The following DAB1 variants were observed in gnomAD, a reference collection of about 807,000 sequenced individuals.
DAB1 encodes DAB adaptor protein 1.
Under a neutral mutation model 64.6 loss-of-function variants are expected in DAB1, and 15 were observed. That is an observed-to-expected ratio of 0.23 (90% confidence interval 0.16 to 0.36). DAB1 has a LOEUF of 0.36. DAB1 is among the 10% of genes least tolerant of loss of function. DAB1 has a pLI of 1.00. For synonymous variants in DAB1, 235 were observed against 251.9 expected, an observed-to-expected ratio of 0.93 and a Z score of 0.64; for missense variants, 596 against 706.7, an observed-to-expected ratio of 0.84 and a Z score of 1.78.
chr1:57,778,145 C>T (rs773976429), intron 6 of DAB1, among the ~76,000 whole-genome samples: 3 of 151,868 alleles, frequency 2.0e-5, no homozygotes, highest in Non-Finnish European at 2.9e-5. Flanking sequence ...GGGCTTCTGC[C>T]GTATGCATTC....
At chr1:58,485,240 A>T (rs962877387) in intron 3 of DAB1, among the ~76,000 whole-genome samples, 1 of 149,594 alleles carries the variant, frequency 6.7e-6, no homozygotes, top group Non-Finnish European at 1.5e-5. Context: ...AAAAAAAAAA[A>T]AAAAAAAAAA....
At position 57,327,978 on chromosome 1, in the gene DAB1, A is replaced by C. The variant is rs560213743; in HGVS notation, c.-136-36812T>G. Among the ~76,000 whole-genome samples, 7 of 152,348 alleles carry C rather than the reference A, an allele frequency of 4.6e-5. No individual in the cohort carries two copies. The South Asian group carries it at 1.4e-3, about 32-fold the overall frequency. On this transcript the variant is annotated intron_variant, in intron 1 of 14. Transcript: ENST00000371236. ...TTAAATTAGGATCTCTAAGAACCCCAGAAAGTCATTTTCTGGGGGAGGAAT... is the reference window on the plus strand; with the variant it reads ...TTAAATTAGGATCTCTAAGAACCCCCGAAAGTCATTTTCTGGGGGAGGAAT...
intron 2 of DAB1, among the ~76,000 whole-genome samples, chr1:57,232,606 G>A (rs747806923): frequency 5.3e-5 from 8 of 152,054 alleles, no homozygotes; most frequent in Middle Eastern, 3.4e-3. Flanking sequence ...GGAGAAAACC[G>A]AGACCCAGAA....
intron 1 of DAB1, among the ~76,000 whole-genome samples, chr1:57,838,002 G>A (rs1393916517): frequency 6.6e-6 from 1 of 151,872 alleles, no homozygotes; most frequent in African/African-American, 2.4e-5. Flanking sequence ...GTTACCACCA[G>A]TGGATATTTA....
At chr1:58,167,774 G>C (rs1352279387) in intron 4 of DAB1, among the ~76,000 whole-genome samples, 1 of 152,172 alleles carries the variant, frequency 6.6e-6, no homozygotes, top group Non-Finnish European at 1.5e-5. Flanking sequence ...CCACCTTTAA[G>C]AGTTGTAACA....
At chr1:57,919,948 G>A (rs935903386) in intron 5 of DAB1, among the ~76,000 whole-genome samples, 2 of 152,162 alleles carry the variant, frequency 1.3e-5, no homozygotes, top group Non-Finnish European at 2.9e-5. Flanking sequence ...GGGAGGTCAG[G>A]TGGACCCAGC....
intron 3 of DAB1, among the ~76,000 whole-genome samples, chr1:58,450,748 C>T (rs981464645): frequency 2.0e-5 from 3 of 151,820 alleles, no homozygotes; most frequent in African/African-American, 7.3e-5. Flanking sequence ...AGCGAGACTC[C>T]GTCTCAAAAA....
Position 57,114,730 on chromosome 1 carries a change from A to G in DAB1, c.306+21813T>C, listed in dbSNP as rs143735745. On this transcript the variant is annotated intron_variant, in intron 4 of 14. Coordinates refer to ENST00000371236, the MANE Select transcript of DAB1 (RefSeq NM_001365792.1). The stretch of plus-strand genomic sequence containing the variant: ...CCTTCCCAAAGCAAGCAGTGGATTC[A>G]CTGAGGTCCTCCATATTAAAAAGAA... 1.7e-4 allele frequency among the ~76,000 whole-genome samples: 26 copies of G among 152,310 alleles called. 1 individual carries two copies. The East Asian group carries it at 5.0e-3, about 29-fold the overall frequency.
intron 7 of DAB1, among the ~76,000 whole-genome samples, chr1:57,522,386 C>G (rs1290956402): frequency 6.6e-6 from 1 of 152,138 alleles, no homozygotes; most frequent in East Asian, 1.9e-4. Flanking sequence ...GGAAGAAGCC[C>G]TGCTAGAAAT....
At chr1:58,010,790 C>G (rs924645080) in intron 5 of DAB1, among the ~76,000 whole-genome samples, 1 of 152,218 alleles carries the variant, frequency 6.6e-6, no homozygotes, top group Non-Finnish European at 1.5e-5. Context: ...GCAGACATTA[C>G]TAATCTATCA....
chr1:57,773,319 T>C (rs1410002498), intron 6 of DAB1, among the ~76,000 whole-genome samples: 3 of 150,530 alleles, frequency 2.0e-5, no homozygotes, highest in Non-Finnish European at 4.4e-5. Context: ...AATTGGATTA[T>C]TTATCTTCTT....
chr1:57,501,696 G>A (rs1338020159), intron 7 of DAB1, among the ~76,000 whole-genome samples: 1 of 152,182 alleles, frequency 6.6e-6, no homozygotes, highest in Non-Finnish European at 1.5e-5. Context: ...GAAAATTTTT[G>A]TATAAAATTA....
At chr1:58,231,985 C>T (rs72910442) in intron 4 of DAB1, among the ~76,000 whole-genome samples, 6,004 of 152,258 alleles carry the variant, frequency 0.039, 233 homozygotes, top group African/African-American at 0.098. Flanking sequence ...AGATTCAAAT[C>T]CATGTTTGTC....
chr1:58,475,052 T>C (rs938294017), intron 3 of DAB1, among the ~76,000 whole-genome samples: 9 of 152,218 alleles, frequency 5.9e-5, no homozygotes, highest in African/African-American at 2.2e-4. Flanking sequence ...AGGAAAAGAC[T>C]GGCCTTATTT....
At chr1:58,076,644 CA>C (rs1649666963) in intron 5 of DAB1, among the ~76,000 whole-genome samples, 1 of 152,200 alleles carries the variant, frequency 6.6e-6, no homozygotes, top group South Asian at 2.1e-4. Context: ...GGCTCAGATC[CA>C]AGTCTTCTCA....
At chr1:57,622,441 A>C (rs1454001865) in intron 7 of DAB1, among the ~76,000 whole-genome samples, 2 of 152,220 alleles carry the variant, frequency 1.3e-5, no homozygotes, top group Non-Finnish European at 2.9e-5. Flanking sequence ...TGTTGATGAT[A>C]GTCTATCTTC....
At position 57,151,916 on chromosome 1, in the gene DAB1, C is replaced by A. The variant is rs895004191; in HGVS notation, c.68-6487G>T. Among the ~76,000 whole-genome samples the A allele has an allele frequency of 3.4e-5, 5 of 149,014 alleles. No individual in the cohort carries two copies. The Admixed American group carries it at 3.4e-4, about 10-fold the overall frequency. ...GCAACCTCCACCTCCCAGGTTCAAG[C>A]GATTCTCCCGCCTCAGCCTCCTGGG... On this transcript the variant is annotated intron_variant, in intron 2 of 14. Transcript: ENST00000371236.
At chr1:57,549,564 C>T (rs901229653) in intron 7 of DAB1, among the ~76,000 whole-genome samples, 5 of 152,094 alleles carry the variant, frequency 3.3e-5, no homozygotes, top group Non-Finnish European at 5.9e-5. Flanking sequence ...CCAGGCAGGC[C>T]GAGTCCATCA....
intron 6 of DAB1, among the ~76,000 whole-genome samples, chr1:57,679,890 C>A (rs1235518984): frequency 6.6e-6 from 1 of 152,138 alleles, no homozygotes; most frequent in Non-Finnish European, 1.5e-5. Flanking sequence ...AACATGGTAA[C>A]CCCATGAGGT....
Sources: gnomAD v4.1 joint callset for allele counts (sites outside exome capture counted in the v4.1 genomes callset) on GRCh38, gnomAD v4.1.1 for gene constraint, MANE v1.5 for transcripts, NCBI Gene and HGNC (gene_info 2026-07-23, HGNC 2026-07-21) for gene names.